Variants in UBOX5 observed in about 807,000 individuals in gnomAD.
The protein encoded by UBOX5 is U-box domain containing 5.
In UBOX5, 28 loss-of-function variants were observed where a neutral mutation model predicts 39.0. The observed-to-expected ratio is 0.72, with a 90% CI of 0.53 to 0.98. The LOEUF (loss-of-function observed/expected upper bound fraction) is 0.98. Ranked by LOEUF, UBOX5 falls within the 50% of genes least tolerant of loss-of-function variation. UBOX5 has a pLI of 0.00. For synonymous variants in UBOX5, 283 were observed against 275.5 expected (o/e 1.03, Z -0.27); for missense variants, 585 against 674.4 (o/e 0.87, Z 1.47).
intron 1 of UBOX5, among the ~76,000 whole-genome samples, chr20:3,145,438 TTCC>T (rs1421961557): frequency 1.6e-4 from 24 of 150,258 alleles, no homozygotes; most frequent in Admixed American, 4.6e-4. Flanking sequence ...TGGCCTTTTT[TTCC>T]TTTTTTTTTT....
chr20:3,141,001 C>T (rs1371858964), intron 1 of UBOX5, among the ~76,000 whole-genome samples: 3 of 150,956 alleles, frequency 2.0e-5, no homozygotes, highest in African/African-American at 4.9e-5. Context: ...TCACTGCAAC[C>T]TCTGCCTCCC....
chr20:3,120,539 G>A (rs1266089796), intron 3 of UBOX5, among the ~76,000 whole-genome samples: 6 of 149,662 alleles, frequency 4.0e-5, no homozygotes, highest in Admixed American at 3.3e-4. Flanking sequence ...CCAGCTACTC[G>A]GGAGGCTGAG....
chr20:3,138,580 C>A (rs1231619195), intron 1 of UBOX5, among the ~76,000 whole-genome samples: 3 of 152,100 alleles, frequency 2.0e-5, no homozygotes, highest in Non-Finnish European at 4.4e-5. Context: ...AAGAAGGGAT[C>A]CAGGAGTTGA....
At chr20:3,114,724 C>T (rs371975503) in intron 4 of UBOX5, among the ~76,000 whole-genome samples, 71 of 152,200 alleles carry the variant, frequency 4.7e-4, no homozygotes, top group African/African-American at 1.6e-3. Context: ...CCGAGGCGGG[C>T]GGATCACGAG....
chr20:3,143,097 C>CTT lies in UBOX5; in HGVS notation c.-42+16667_-42+16668dup, dbSNP rs35450698. Among the ~76,000 whole-genome samples, 52 of 72,512 alleles carry CTT rather than the reference C, an allele frequency of 7.2e-4. 1 individual carries two copies. Among genetic ancestry groups the CTT allele is most frequent in the African/African-American group, 1.6e-3 (30 of 18,450 alleles). The allele number at this position is 72,512 out of a possible 152,430, so 47.6% of individuals were successfully genotyped here. Reference sequence around the variant, plus strand: ...GCACAATAGCAGGTTAATCATCTGTCTTTTTTTTTTTTTTTTTTTTTTTTT... The same window carrying CTT: ...GCACAATAGCAGGTTAATCATCTGTCTTTTTTTTTTTTTTTTTTTTTTTTTTT... On this transcript the variant is annotated intron_variant, in intron 1 of 4. Transcript: ENST00000217173.
chr20:3,139,452 C>T (rs1029600139), intron 1 of UBOX5, among the ~76,000 whole-genome samples: 6 of 152,146 alleles, frequency 3.9e-5, no homozygotes, highest in Non-Finnish European at 8.8e-5. Flanking sequence ...TGCAATGGCG[C>T]GATCTCGGCT....
intron 3 of UBOX5, chr20:3,116,360 G>A (rs2066293801): frequency 6.6e-6 from 1 of 152,286 alleles, no homozygotes; most frequent in Non-Finnish European, 1.5e-5. Flanking sequence ...GCCAAGCCAT[G>A]GAATGAGGGT....
intron 1 of UBOX5, chr20:3,148,506 G>A (rs1253049149): frequency 1.9e-6 from 3 of 1,614,050 alleles, no homozygotes; most frequent in African/African-American, 1.3e-5. Context: ...TGGCAGAGCA[G>A]AGCAAAGCTG....
At chr20:3,154,904 T>C (rs755353167) in intron 1 of UBOX5, among the ~76,000 whole-genome samples, 3 of 151,490 alleles carry the variant, frequency 2.0e-5, no homozygotes, top group Non-Finnish European at 4.4e-5. Flanking sequence ...AGAAGTACAA[T>C]TGGACAGGTG....
intron 1 of UBOX5, among the ~76,000 whole-genome samples, chr20:3,130,896 A>T (rs1048531294): frequency 3.3e-5 from 5 of 152,084 alleles, no homozygotes; most frequent in Non-Finnish European, 1.5e-5. Context: ...GAATTACACA[A>T]AACAGTAAGA....
chr20:3,151,268 T>A (rs1213903880), intron 1 of UBOX5, among the ~76,000 whole-genome samples: 1 of 152,220 alleles, frequency 6.6e-6, no homozygotes, highest in Non-Finnish European at 1.5e-5. Flanking sequence ...GCAGACTATG[T>A]CCTGGGGCCC....
chr20:3,157,509 C>T (rs2066698651), intron 1 of UBOX5, among the ~76,000 whole-genome samples: 1 of 152,356 alleles, frequency 6.6e-6, no homozygotes, highest in Admixed American at 6.5e-5. Context: ...TAAGACTCTG[C>T]TATTCCTCTA....
chr20:3,111,112 G>A (rs2066250725), intron 4 of UBOX5, among the ~76,000 whole-genome samples: 1 of 152,136 alleles, frequency 6.6e-6, no homozygotes, highest in East Asian at 1.9e-4. Flanking sequence ...CTTGAATGAG[G>A]GTCACAGTGA....
chr20:3,111,282 A>G (rs903261269), intron 4 of UBOX5, among the ~76,000 whole-genome samples: 1 of 151,890 alleles, frequency 6.6e-6, no homozygotes, highest in Non-Finnish European at 1.5e-5. Flanking sequence ...ACCTCAAACC[A>G]ATTTGCTTCA....
chr20:3,151,525 C>T (rs980437377), intron 1 of UBOX5, among the ~76,000 whole-genome samples: 1 of 151,986 alleles, frequency 6.6e-6, no homozygotes, highest in African/African-American at 2.4e-5. Context: ...AACTTGGCCA[C>T]GCCTATAATC....
chr20:3,126,520 AAAAAG>A (rs1298295530), intron 1 of UBOX5, among the ~76,000 whole-genome samples: 21 of 151,538 alleles, frequency 1.4e-4, no homozygotes, highest in African/African-American at 4.8e-4. Context: ...CTAAAAAAAA[AAAAAG>A]AAAAGAAAAA....
chr20:3,121,661 G>C lies in UBOX5; in HGVS notation c.978C>G (p.Ala326=). The C allele has an allele frequency of 6.2e-7, 1 of 1,613,674 alleles. No individual in the cohort carries two copies. The highest frequency in any genetic ancestry group is 8.5e-7 in the Non-Finnish European group (1 of 1,179,882). ...SQPLPHPSLK[A]RIDHFLLQHS... is the part of the protein sequence containing the mutation. The stretch of plus-strand genomic sequence containing the variant: ...GCTGGAGCAGGAAATGGTCAATCCG[G>C]GCCTTGAGGGAGGGGTGAGGCAGGG... Residue 326 remains alanine, a synonymous_variant, in exon 3 of 5, where the codon GCC becomes GCG. Coordinates refer to ENST00000217173, the MANE Select transcript of UBOX5 (RefSeq NM_014948.4).
chr20:3,128,423 T>C (rs998717153), intron 1 of UBOX5, among the ~76,000 whole-genome samples: 1 of 152,132 alleles, frequency 6.6e-6, no homozygotes, highest in Non-Finnish European at 1.5e-5. Context: ...GCTACTGACA[T>C]AGATGATGAC....
At chr20:3,146,776 T>G (rs141748058) in intron 1 of UBOX5, 5 of 1,612,260 alleles carry the variant, frequency 3.1e-6, no homozygotes, top group Non-Finnish European at 4.2e-6. Context: ...TAAATGCCCT[T>G]CAGAGAGCAG....
Sources: allele counts gnomAD v4.1 joint callset (sites outside exome capture counted in the v4.1 genomes callset), GRCh38; gene constraint gnomAD v4.1.1; transcripts MANE v1.5; gene names NCBI Gene and HGNC (gene_info 2026-07-23, HGNC 2026-07-21).